Variants in ARSG observed in about 807,000 individuals in gnomAD.
ARSG encodes ASG.
ARSG carries 37 observed loss-of-function variants against 50.5 expected under a neutral mutation model. The observed-to-expected ratio is 0.73, with a 90% CI of 0.56 to 0.96. The LOEUF is 0.96. Among genes scored for constraint, ARSG ranks in the 50% least tolerant of loss-of-function variants. The pLI is 0.00. For missense variants in ARSG, 629 were observed against 675.3 expected (o/e 0.93, Z 0.76); for synonymous variants, 225 against 254.6 (o/e 0.88, Z 1.11).
intron 2 of ARSG, among the ~76,000 whole-genome samples, chr17:68,340,547 A>G (rs913260729): frequency 6.6e-6 from 1 of 151,950 alleles, no homozygotes; most frequent in Non-Finnish European, 1.5e-5. Context: ...CAGCCTCCCA[A>G]AGTGCTGGGA....
intron 8 of ARSG, among the ~76,000 whole-genome samples, chr17:68,375,800 C>G (rs1330165861): frequency 1.3e-5 from 2 of 152,116 alleles, no homozygotes; most frequent in East Asian, 3.9e-4. Flanking sequence ...CTAGAGCTGC[C>G]CCTGTGTCTG....
At chr17:68,265,728 A>C in intron 1 of ARSG, among the ~76,000 whole-genome samples, 1 of 138,758 alleles carries the variant, frequency 7.2e-6, no homozygotes, top group African/African-American at 2.7e-5. Flanking sequence ...TTTTTTTTTC[A>C]GCCTGAGAGC....
In ARSG at chr17:68,346,973, A is replaced by G. The variant is rs374555523; in HGVS notation, c.407-152A>G. 87 of 1,534,768 alleles carry G rather than the reference A, an allele frequency of 5.7e-5. No individual in the cohort carries two copies. The African/African-American group carries it at 8.6e-4, about 15-fold the overall frequency. ...ACACCGTCTCGGCCCCAGAGAGCAA[A>G]GCCTGGCTTGTACACCACATTGCAG... is the stretch of plus-strand genomic sequence containing the variant. On this transcript the variant is annotated intron_variant, in intron 3 of 11. Transcript: ENST00000621439.
chr17:68,321,949 G>A (rs1413354805), intron 2 of ARSG, among the ~76,000 whole-genome samples: 2 of 152,170 alleles, frequency 1.3e-5, no homozygotes, highest in African/African-American at 4.8e-5. Flanking sequence ...ACTAAATGGA[G>A]ACAGTGGCCA....
downstream of ARSG, chr17:68,421,844 C>T (rs556770534): frequency 6.2e-7 from 1 of 1,614,102 alleles, no homozygotes; most frequent in African/African-American, 1.3e-5. Flanking sequence ...AACAGAATGG[C>T]CTTACTCTTC....
At chr17:68,388,944 A>AAAAAAAAAT (rs1491203982) in intron 9 of ARSG, among the ~76,000 whole-genome samples, 2 of 146,148 alleles carry the variant, frequency 1.4e-5, no homozygotes, top group East Asian at 2.1e-4. Flanking sequence ...AAAAAAAAAA[A>AAAAAAAAAT]AGAAAAACAG....
chr17:68,356,281 G>C (rs1454481753), intron 5 of ARSG, among the ~76,000 whole-genome samples: 2 of 152,184 alleles, frequency 1.3e-5, no homozygotes, highest in Non-Finnish European at 2.9e-5. Flanking sequence ...ACAGAGGCTG[G>C]GATTGAAGTG....
chr17:68,275,734 C>A (rs1555750654), intron 1 of ARSG, among the ~76,000 whole-genome samples: 2 of 152,060 alleles, frequency 1.3e-5, no homozygotes, highest in Non-Finnish European at 2.9e-5. Flanking sequence ...GTAAATCCAG[C>A]ACTTTGGGAG....
intron 5 of ARSG, among the ~76,000 whole-genome samples, chr17:68,353,226 A>G (rs2078883107): frequency 6.6e-6 from 1 of 151,920 alleles, no homozygotes; most frequent in African/African-American, 2.4e-5. Flanking sequence ...ACCTGATTTT[A>G]CAGATAAGGA....
At position 68,307,489 on chromosome 17, in the gene ARSG, C is replaced by G; in HGVS notation, c.-5C>G. On this transcript the variant is annotated 5_prime_UTR_variant, in exon 2 of 12. Coordinates refer to ENST00000621439, the MANE Select transcript of ARSG (RefSeq NM_001267727.2). ...CCAGACAATCGGAATCCTGCCTTCACCACCATGGGCTGGCTTTTTCTAAAG... is the reference window on the plus strand; with the variant it reads ...CCAGACAATCGGAATCCTGCCTTCAGCACCATGGGCTGGCTTTTTCTAAAG... 6.2e-7 allele frequency: 1 copy of G among 1,610,902 alleles called. No homozygotes were observed. Among genetic ancestry groups the G allele is most frequent in the Non-Finnish European group, 8.5e-7 (1 of 1,177,570 alleles).
intron 2 of ARSG, among the ~76,000 whole-genome samples, chr17:68,311,266 T>G (rs1599667639): frequency 6.6e-6 from 1 of 152,214 alleles, no homozygotes; most frequent in South Asian, 2.1e-4. Context: ...GGGTTCATCC[T>G]GGTGCACTCT....
the ARSG span, chr17:68,430,118 C>T: frequency 3.1e-6 from 5 of 1,614,138 alleles, no homozygotes; most frequent in Admixed American, 6.7e-5. Context: ...CCATAAACAT[C>T]TTTCCCATGT....
At chr17:68,319,105 G>A (rs551937017) in intron 2 of ARSG, among the ~76,000 whole-genome samples, 1 of 152,300 alleles carries the variant, frequency 6.6e-6, no homozygotes, top group South Asian at 2.1e-4. Flanking sequence ...ATGGGGACGA[G>A]GGCAGAAAGG....
At chr17:68,347,273 C>G (rs1036686941) in intron 4 of ARSG, 101 bp downstream of exon 4, 11 of 1,362,644 alleles carry the variant, frequency 8.1e-6, no homozygotes, top group East Asian at 2.3e-5. Flanking sequence ...TGGGGGCAAC[C>G]CTAAGTTAGG....
downstream of ARSG, chr17:68,425,880 G>A (rs542296031): frequency 1.8e-6 from 1 of 553,006 alleles, no homozygotes; most frequent in Non-Finnish European, 3.2e-6. Context: ...GGTTTAGCTC[G>A]ACACCTAAAG....
chr17:68,354,258 A>G (rs1254259893), intron 5 of ARSG, among the ~76,000 whole-genome samples: 1 of 151,314 alleles, frequency 6.6e-6, no homozygotes, highest in Non-Finnish European at 1.5e-5. Flanking sequence ...CCATCTCTAC[A>G]GAAAATACAA....
At chr17:68,404,239 G>T (rs1456706535) in intron 11 of ARSG, among the ~76,000 whole-genome samples, 1 of 152,136 alleles carries the variant, frequency 6.6e-6, no homozygotes, top group Non-Finnish European at 1.5e-5. Context: ...TGGGATGGCT[G>T]GGTCAAATGG....
chr17:68,264,675 G>C (rs2075124529), intron 1 of ARSG, among the ~76,000 whole-genome samples: 1 of 151,896 alleles, frequency 6.6e-6, no homozygotes. Flanking sequence ...AACCTCAGGT[G>C]ATCCACCCGC....
intron 2 of ARSG, among the ~76,000 whole-genome samples, chr17:68,326,910 C>T (rs782816194): frequency 2.6e-5 from 4 of 152,054 alleles, no homozygotes; most frequent in Admixed American, 1.3e-4. Context: ...GAAGGAGTGG[C>T]CAGAGAAAGA....
Sources: allele counts gnomAD v4.1 joint callset (sites outside exome capture counted in the v4.1 genomes callset), GRCh38; gene constraint gnomAD v4.1.1; transcripts MANE v1.5; gene names NCBI Gene and HGNC (gene_info 2026-07-23, HGNC 2026-07-21).